Variants in EVI5L observed in about 807,000 individuals in gnomAD.
EVI5L encodes ecotropic viral integration site 5 like, also known as EVI5-like protein.
In EVI5L, 30 loss-of-function variants were observed where a neutral mutation model predicts 106.1. The observed-to-expected ratio is 0.28, with a 90% CI of 0.21 to 0.38. The LOEUF is 0.38. Among genes scored for constraint, EVI5L ranks in the 10% least tolerant of loss-of-function variants. EVI5L has a pLI of 1.00. For missense variants in EVI5L, 809 were observed against 1,098.0 expected (o/e 0.74, Z 3.72); for synonymous variants, 489 against 483.3 (o/e 1.01, Z -0.15).
In EVI5L at chr19:7,857,915, A is replaced by G; in HGVS notation, c.1234-276A>G. 2.3e-6 allele frequency: 1 copy of G among 443,820 alleles called. No homozygotes were observed. Among genetic ancestry groups the G allele is most frequent in the Non-Finnish European group, 4.1e-6 (1 of 244,358 alleles). The allele number at this position is 443,820 out of a possible 1,614,324, so 27.5% of individuals were successfully genotyped here. A position where few individuals can be genotyped will look rare whatever the true frequency, so the allele number is the denominator to read the frequency against. On this transcript the variant is annotated intron_variant, in intron 12 of 19. Transcript: ENST00000538904. This position sits in a 1 kb window ranked among gnomAD's most constrained non-coding sequence, Gnocchi z 4.5. ...TGGATAAGGATCCCAACTGGGGCAG[A>G]GACTGAGAGCCAGAGTGGGGAAGGA... is the stretch of plus-strand genomic sequence containing the variant.
At position 7,856,516 on chromosome 19, in the gene EVI5L, G is replaced by A. The variant is rs1433122860; in HGVS notation, c.1200+448G>A. On this transcript the variant is annotated intron_variant, in intron 11 of 19. Transcript: ENST00000538904. This position sits in a 1 kb window ranked among gnomAD's most constrained non-coding sequence, Gnocchi z 6.6. ...GCGCCATGGTGGGGAGCCACAGCCC[G>A]GACTCTGCTCCCCAACATGCTAAAG... 6.6e-6 allele frequency among the ~76,000 whole-genome samples: 1 copy of A among 151,962 alleles called. No homozygotes were observed. The highest frequency in any genetic ancestry group is 1.5e-5 in the Non-Finnish European group (1 of 67,966).
intron 1 of EVI5L, among the ~76,000 whole-genome samples, chr19:7,831,321 A>G (rs929818823): frequency 6.6e-6 from 1 of 150,528 alleles, no homozygotes; most frequent in Non-Finnish European, 1.5e-5. Context: ...GAGCTCCAAC[A>G]TAGACCCCAG....
chr19:7,846,599 C>A lies in EVI5L; in HGVS notation c.57C>A (p.Pro19=). Residue 19 remains proline, a synonymous_variant, in exon 2 of 20, where the codon CCC becomes CCA. Transcript: ENST00000538904. ...CATCCCAGGAGGCCCTGTCGGCCCC[C>A]ACCTGCTCCCCAACCTCTGACTCCG... ...DSSSQEALSA[P]TCSPTSDSEN... is the part of the protein sequence containing the mutation. 6.2e-7 allele frequency: 1 copy of A among 1,613,896 alleles called. No individual in the cohort carries two copies. The highest frequency in any genetic ancestry group is 8.5e-7 in the Non-Finnish European group (1 of 1,179,956).
intron 10 of EVI5L, among the ~76,000 whole-genome samples, chr19:7,854,223 A>T (rs1218019650): frequency 6.7e-6 from 1 of 149,828 alleles, no homozygotes; most frequent in Non-Finnish European, 1.5e-5. Flanking sequence ...CGGAGGTTAC[A>T]GTGAGGCAAG....
chr19:7,863,744 G>A lies in EVI5L; in HGVS notation c.*42G>A, dbSNP rs769102863. ...CCCGGAGTCAGGAGGCCGCAGCCGC[G>A]GGGGGCGCCCGGGCAGTCCGCGTTC... On this transcript the variant is annotated 3_prime_UTR_variant, in exon 20 of 20. Transcript: ENST00000538904. This position sits in a 1 kb window ranked among gnomAD's most constrained non-coding sequence, Gnocchi z 7.7. 7.0e-7 allele frequency: 1 copy of A among 1,427,956 alleles called. No homozygotes were observed. Among genetic ancestry groups the A allele is most frequent in the Non-Finnish European group, 9.1e-7 (1 of 1,096,976 alleles). 88.5% of individuals were successfully genotyped at this position (1,427,956 alleles called of 1,614,324 possible).
rs898203963 is a variant in EVI5L at position 7,863,607 on chromosome 19, C to A, written c.2323C>A (p.Arg775Ser). 1.2e-5 allele frequency: 19 copies of A among 1,573,154 alleles called. No individual in the cohort carries two copies. The highest frequency in any genetic ancestry group is 4.6e-5 in the South Asian group (4 of 86,102). ...GTCCCCGCGCGATGCGCGCTTCTTCCGCCGTCTGGAGCGGCCGGCCAAGGA... is the reference window on the plus strand; with the variant it reads ...GTCCCCGCGCGATGCGCGCTTCTTCAGCCGTCTGGAGCGGCCGGCCAAGGA... The part of the protein sequence containing the change: ...PLSPRDARFF[R>S]RLERPAKDSE... Residue 775 changes from arginine (R) to serine (S), a missense_variant, in exon 20 of 20, where the codon CGC (arginine) becomes AGC (serine). This residue lies in a region of EVI5L where 452 missense variants were observed against 509.9 expected (regional missense o/e 0.89). Coordinates refer to ENST00000538904, the MANE Select transcript of EVI5L (RefSeq NM_001159944.3). This position sits in a 1 kb window ranked among gnomAD's most constrained non-coding sequence, Gnocchi z 7.7.
At chr19:7,860,972 G>A (rs996846202) in intron 14 of EVI5L, among the ~76,000 whole-genome samples, 2 of 152,134 alleles carry the variant, frequency 1.3e-5, no homozygotes, top group African/African-American at 4.8e-5. Context: ...GGAGGAGAGA[G>A]GGGGATGGGG....
At chr19:7,862,609 A>C in intron 17 of EVI5L, 75 bp downstream of exon 17, 3 of 1,215,110 alleles carry the variant, frequency 2.5e-6, no homozygotes, top group Non-Finnish European at 1.0e-6. Flanking sequence ...CCCGCCCCCA[A>C]TCCGCCTCTG....
intron 1 of EVI5L, among the ~76,000 whole-genome samples, chr19:7,844,370 G>T (rs1223437556): frequency 6.7e-6 from 1 of 150,174 alleles, no homozygotes; most frequent in Non-Finnish European, 1.5e-5. Flanking sequence ...AAAAGAAACC[G>T]AGGCTCGGGC....
In EVI5L at chr19:7,850,789, C is replaced by G. The variant is rs182899397; in HGVS notation, c.754-645C>G. The stretch of plus-strand genomic sequence containing the variant: ...GGGCTGCAGAGAAGGCACCACCCCA[C>G]CTCAGGCTGGGTAGCAGAGCCCTCC... On this transcript the variant is annotated intron_variant, in intron 6 of 19. Transcript: ENST00000538904. This position sits in a 1 kb window ranked among gnomAD's most constrained non-coding sequence, Gnocchi z 5.4. Among the ~76,000 whole-genome samples the G allele has an allele frequency of 9.4e-3, 1,437 of 152,258 alleles. 22 individuals carry two copies. Among genetic ancestry groups the G allele is most frequent in the African/African-American group, 0.032 (1,336 of 41,550 alleles).
intron 1 of EVI5L, among the ~76,000 whole-genome samples, chr19:7,838,115 G>A (rs1442423085): frequency 6.9e-6 from 1 of 145,198 alleles, no homozygotes; most frequent in Non-Finnish European, 1.5e-5. Context: ...GTTTTGTTTT[G>A]TTTTGTTTTT....
At chr19:7,831,475 G>T (rs903227288) in intron 1 of EVI5L, among the ~76,000 whole-genome samples, 2 of 151,976 alleles carry the variant, frequency 1.3e-5, no homozygotes, top group Admixed American at 1.3e-4. Flanking sequence ...CGCACCCCAG[G>T]AAGCCAACTT....
At chr19:7,859,924 G>C (rs574304094) in intron 13 of EVI5L, among the ~76,000 whole-genome samples, 1 of 152,346 alleles carries the variant, frequency 6.6e-6, no homozygotes, top group South Asian at 2.1e-4. Context: ...GGCTGAGGCA[G>C]TCCCCCAGAG....
intron 2 of EVI5L, among the ~76,000 whole-genome samples, chr19:7,846,960 C>T (rs986247387): frequency 2.0e-5 from 3 of 152,218 alleles, no homozygotes; most frequent in Non-Finnish European, 2.9e-5. Flanking sequence ...AGAGTCGATT[C>T]GGGCCTTCCT....
chr19:7,845,277 C>T lies in EVI5L; in HGVS notation c.-47-1219C>T, dbSNP rs1013974962. Among the ~76,000 whole-genome samples the T allele has an allele frequency of 7.2e-5, 11 of 152,180 alleles. No homozygotes were observed. Among genetic ancestry groups the T allele is most frequent in the Admixed American group, 1.3e-4 (2 of 15,286 alleles). The stretch of plus-strand genomic sequence containing the variant: ...CCCTAGGTATCCCCATCTTCTCAGA[C>T]GCTGGAGGTGAGCCTGGGCTCACCA... On this transcript the variant is annotated intron_variant, in intron 1 of 19. Transcript: ENST00000538904. The surrounding 1 kb of genome is among the most constrained non-coding windows in gnomAD (Gnocchi z 4.0).
rs1345930060 is a variant in EVI5L at position 7,850,398 on chromosome 19, G to A, written c.753+276G>A. Among the ~76,000 whole-genome samples, 3 of 152,170 alleles carry A rather than the reference G, an allele frequency of 2.0e-5. No individual in the cohort carries two copies. The highest frequency in any genetic ancestry group is 2.9e-5 in the Non-Finnish European group (2 of 68,020). On this transcript the variant is annotated intron_variant, in intron 6 of 19. Transcript: ENST00000538904. The surrounding 1 kb of genome is among the most constrained non-coding windows in gnomAD (Gnocchi z 5.4). ...CCCAGGGCTGCTGAGGCAGAGGGGT[G>A]GGGCAGGCTCACATCGGACACAGCC...
At chr19:7,839,068 C>T (rs1978477425) in intron 1 of EVI5L, among the ~76,000 whole-genome samples, 1 of 151,318 alleles carries the variant, frequency 6.6e-6, no homozygotes, top group Non-Finnish European at 1.5e-5. Flanking sequence ...TTTGGGAGGC[C>T]AATGCGGGCA....
chr19:7,839,570 C>T (rs62125117), intron 1 of EVI5L, among the ~76,000 whole-genome samples: 23,579 of 152,044 alleles, frequency 0.16, 2,402 homozygotes, highest in Middle Eastern at 0.23. Flanking sequence ...GTTCTGGTGG[C>T]CCCATGGACA....
chr19:7,837,746 G>A lies in EVI5L; in HGVS notation c.-48+7365G>A, dbSNP rs111628186. Among the ~76,000 whole-genome samples the A allele has an allele frequency of 9.4e-3, 1,431 of 152,248 alleles. 21 individuals are homozygous for A. Among genetic ancestry groups the A allele is most frequent in the African/African-American group, 0.032 (1,330 of 41,544 alleles). ...ATGGAGTTTCGCTCTTGTTGCCCAG[G>A]GTGGAGTGCAATTGTGGTGCAGTCT... On this transcript the variant is annotated intron_variant, in intron 1 of 19. Transcript: ENST00000538904.
Sources: allele counts gnomAD v4.1 joint callset (sites outside exome capture counted in the v4.1 genomes callset), GRCh38; gene constraint gnomAD v4.1.1; regional missense constraint gnomAD v4.1.1; non-coding constraint Gnocchi (gnomAD v3.1); transcripts MANE v1.5; gene names NCBI Gene and HGNC (gene_info 2026-07-23, HGNC 2026-07-21).